Variants in GDA observed in about 807,000 individuals in gnomAD.
The protein encoded by GDA is guanine deaminase, also known as cytoplasmic PSD-95 interactor.
Under a neutral mutation model 59.6 loss-of-function variants are expected in GDA, and 18 were observed. That is an observed-to-expected ratio of 0.30 (90% CI 0.21 to 0.45). The LOEUF is 0.45. Among genes scored for constraint, GDA ranks in the 20% least tolerant of loss-of-function variants. The probability of loss-of-function intolerance (pLI) is 1.00; values close to 1 mark genes in which losing one functional copy is unlikely to be tolerated. For synonymous variants in GDA, 201 were observed against 201.1 expected (o/e 1.00, Z 0.00); for missense variants, 427 against 552.3 (o/e 0.77, Z 2.27).
At chr9:72,175,647 T>G (rs1400189330) in intron 1 of GDA, among the ~76,000 whole-genome samples, 1 of 152,196 alleles carries the variant, frequency 6.6e-6, no homozygotes, top group Non-Finnish European at 1.5e-5. Flanking sequence ...TAAGGAGAAT[T>G]TTAAATTCTA....
At chr9:72,213,802 CAAAAAAAAA>C in intron 4 of GDA, 75 bp from the exon 5 acceptor site, 3 of 611,596 alleles carry the variant, frequency 4.9e-6, no homozygotes, top group East Asian at 3.3e-5. Context: ...GACTCCGTCT[CAAAAAAAAA>C]AAAAAAAAGA....
At chr9:72,201,563 G>A (rs1461920297) in intron 2 of GDA, among the ~76,000 whole-genome samples, 1 of 152,162 alleles carries the variant, frequency 6.6e-6, no homozygotes, top group Non-Finnish European at 1.5e-5. Flanking sequence ...TAGGTGGTAT[G>A]TATACATTTG....
chr9:72,203,926 C>T (rs1199349019), intron 3 of GDA, among the ~76,000 whole-genome samples: 2 of 151,922 alleles, frequency 1.3e-5, no homozygotes, highest in African/African-American at 2.4e-5. Flanking sequence ...AAGTGATTCT[C>T]CTGCCTCAGC....
intron 1 of GDA, among the ~76,000 whole-genome samples, chr9:72,160,028 G>A (rs745680568): frequency 1.4e-4 from 21 of 152,152 alleles, no homozygotes; most frequent in Non-Finnish European, 1.9e-4. Flanking sequence ...AGCCGGGCGC[G>A]GTGGCTCATG....
At chr9:72,198,366 C>A (rs1833458776) in intron 2 of GDA, among the ~76,000 whole-genome samples, 1 of 151,520 alleles carries the variant, frequency 6.6e-6, no homozygotes, top group Non-Finnish European at 1.5e-5. Context: ...GGTGAAACCC[C>A]ATCTCTACTA....
chr9:72,219,295 C>G (rs1013228793), intron 5 of GDA, among the ~76,000 whole-genome samples, 184 bp from the exon 6 acceptor site: 2 of 151,784 alleles, frequency 1.3e-5, no homozygotes, highest in Admixed American at 6.6e-5. Flanking sequence ...CCCAGCTACT[C>G]GGGAGGCTGA....
Position 72,249,337 on chromosome 9 carries a change from G to C in GDA, c.*995G>C. The C allele has an allele frequency of 1.0e-5, 10 of 978,194 alleles. No individual in the cohort carries two copies. Among genetic ancestry groups the C allele is most frequent in the Non-Finnish European group, 9.7e-6 (8 of 823,368 alleles). The allele number at this position is 978,194 out of a possible 1,614,324, so 60.6% of individuals were successfully genotyped here. ...GTAGTTTCTGGAAATTCCATACTCA[G>C]ATATCAGTCTGCTAGAACTTTAAAA... On this transcript the variant is annotated 3_prime_UTR_variant, in exon 14 of 14. Coordinates refer to ENST00000358399, the MANE Select transcript of GDA (RefSeq NM_004293.5).
At position 72,210,649 on chromosome 9, in the gene GDA, A is replaced by G. The variant is rs781104187; in HGVS notation, c.385-38A>G. ...CTGGATGTACCATGTGACTTTTCTG[A>G]GCACACGTGATTCGCGGTTTTTGTG... On this transcript the variant is annotated intron_variant, in intron 3 of 13. Transcript: ENST00000358399. The G allele has an allele frequency of 4.4e-6, 5 of 1,134,878 alleles. No homozygotes were observed. The African/African-American group carries it at 7.6e-5, about 17-fold the overall frequency. 70.3% of individuals were successfully genotyped at this position (1,134,878 alleles called of 1,614,324 possible). A position where few individuals can be genotyped will look rare whatever the true frequency, so the allele number is the denominator to read the frequency against.
intron 12 of GDA, 33 bp downstream of exon 12, chr9:72,245,311 AT>A: frequency 6.5e-7 from 1 of 1,546,014 alleles, no homozygotes; most frequent in Non-Finnish European, 8.9e-7. Flanking sequence ...AAAGGCATTT[AT>A]TTCATAAAGT....
chr9:72,150,726 G>A (rs956864895), intron 1 of GDA, among the ~76,000 whole-genome samples: 3 of 152,170 alleles, frequency 2.0e-5, no homozygotes, highest in Non-Finnish European at 4.4e-5. Flanking sequence ...GTTTTGAATC[G>A]TGACTCTTAC....
intron 13 of GDA, among the ~76,000 whole-genome samples, chr9:72,247,665 G>A (rs1312933171): frequency 6.6e-6 from 1 of 152,102 alleles, no homozygotes; most frequent in East Asian, 1.9e-4. Flanking sequence ...TCTAAGCTGA[G>A]GAATGGAAGG....
intron 1 of GDA, among the ~76,000 whole-genome samples, chr9:72,171,462 T>C (rs1185403960): frequency 1.3e-5 from 2 of 152,176 alleles, no homozygotes; most frequent in Non-Finnish European, 2.9e-5. Flanking sequence ...GATGGTTTGT[T>C]CCTTTTGATT....
chr9:72,198,466 G>A (rs1833475134), intron 2 of GDA, among the ~76,000 whole-genome samples: 1 of 150,996 alleles, frequency 6.6e-6, no homozygotes, highest in Admixed American at 6.6e-5. Context: ...TTGAACCTGG[G>A]AGGCAGAGGT....
chr9:72,155,457 T>C (rs985956904), intron 1 of GDA, among the ~76,000 whole-genome samples: 4 of 152,180 alleles, frequency 2.6e-5, no homozygotes, highest in Non-Finnish European at 2.9e-5. Context: ...GTGGACAGCA[T>C]TGGAAGTAAA....
intron 3 of GDA, among the ~76,000 whole-genome samples, chr9:72,205,314 G>T (rs903927845): frequency 6.6e-6 from 1 of 152,070 alleles, no homozygotes; most frequent in Non-Finnish European, 1.5e-5. Flanking sequence ...AACAGTAGTA[G>T]CTTTGGGTTT....
intron 1 of GDA, among the ~76,000 whole-genome samples, chr9:72,126,254 C>T (rs561653455): frequency 1.3e-5 from 2 of 152,266 alleles, no homozygotes; most frequent in African/African-American, 4.8e-5. Context: ...TCTGGCTAAA[C>T]ACGATATTTT....
intron 1 of GDA, among the ~76,000 whole-genome samples, chr9:72,157,444 C>T (rs1377654865): frequency 6.6e-6 from 1 of 152,200 alleles, no homozygotes; most frequent in East Asian, 1.9e-4. Context: ...CACTGCTTTT[C>T]AATGAACAAT....
intron 1 of GDA, among the ~76,000 whole-genome samples, chr9:72,120,258 G>A (rs1017518062): frequency 2.0e-5 from 3 of 151,416 alleles, no homozygotes; most frequent in Admixed American, 1.3e-4. Flanking sequence ...CACGATCTCG[G>A]CTCACTGCAA....
In GDA at chr9:72,199,296, G is replaced by A. The variant is rs1203241247; in HGVS notation, c.213-3275G>A. The stretch of plus-strand genomic sequence containing the variant: ...TATTATCTGTAATTAATCCTGGACT[G>A]TAACCTTGATTCTGGGAATCTTTTT... On this transcript the variant is annotated intron_variant, in intron 2 of 13. Transcript: ENST00000358399. 2.0e-5 allele frequency among the ~76,000 whole-genome samples: 3 copies of A among 152,274 alleles called. No homozygotes were observed. The East Asian group carries it at 5.8e-4, about 29-fold the overall frequency.
Sources: gnomAD v4.1 joint callset for allele counts (sites outside exome capture counted in the v4.1 genomes callset) on GRCh38, gnomAD v4.1.1 for gene constraint, MANE v1.5 for transcripts, NCBI Gene and HGNC (gene_info 2026-07-23, HGNC 2026-07-21) for gene names.